Variants in GRIK2 observed in about 807,000 individuals in gnomAD.
GRIK2 encodes the protein glutamate receptor ionotropic, kainate 2.
GRIK2 carries 32 observed loss-of-function variants against 100.3 expected under a neutral mutation model. The observed-to-expected ratio is 0.32, with a 90% CI of 0.24 to 0.43. The LOEUF (loss-of-function observed/expected upper bound fraction) is 0.43. GRIK2 is among the 20% of genes least tolerant of loss of function. The probability of loss-of-function intolerance (pLI) is 1.00; values close to 1 mark genes in which losing one functional copy is unlikely to be tolerated. For synonymous variants in GRIK2, 417 were observed against 389.4 expected (o/e 1.07, Z -0.83); for missense variants, 843 against 1,114.9 (o/e 0.76, Z 3.47).
chr6:101,671,219 A>G (rs1770406743), intron 4 of GRIK2, among the ~76,000 whole-genome samples: 1 of 152,178 alleles, frequency 6.6e-6, no homozygotes, highest in African/African-American at 2.4e-5. Flanking sequence ...TTACATCCTT[A>G]ATAATTATTG....
At chr6:101,443,248 A>T (rs1322617551) in intron 2 of GRIK2, among the ~76,000 whole-genome samples, 1 of 152,178 alleles carries the variant, frequency 6.6e-6, no homozygotes, top group Non-Finnish European at 1.5e-5. Context: ...AGTAAAGTAC[A>T]ATATTACTTT....
intron 12 of GRIK2, among the ~76,000 whole-genome samples, chr6:101,911,269 T>C (rs1025737595): frequency 5.3e-5 from 8 of 151,512 alleles, no homozygotes; most frequent in African/African-American, 1.9e-4. Flanking sequence ...CCCAGCAATA[T>C]GAGGTGCCTG....
chr6:101,953,205 TA>T (rs1791713200), intron 14 of GRIK2, among the ~76,000 whole-genome samples: 1 of 152,222 alleles, frequency 6.6e-6, no homozygotes, highest in Non-Finnish European at 1.5e-5. Context: ...ACTTTTTGGA[TA>T]TTATAAATAA....
chr6:101,467,568 C>G (rs1186478206), intron 2 of GRIK2, among the ~76,000 whole-genome samples: 1 of 152,098 alleles, frequency 6.6e-6, no homozygotes, highest in Non-Finnish European at 1.5e-5. Flanking sequence ...ATAGCAAACC[C>G]AGAGCTCGAC....
chr6:101,446,740 T>C (rs940395575), intron 2 of GRIK2, among the ~76,000 whole-genome samples: 1 of 151,540 alleles, frequency 6.6e-6, no homozygotes, highest in Non-Finnish European at 1.5e-5. Context: ...AATCCTGTAC[T>C]TTGAAGGATA....
chr6:101,599,495 T>C (rs1052096001), intron 2 of GRIK2, among the ~76,000 whole-genome samples: 1 of 151,626 alleles, frequency 6.6e-6, no homozygotes, highest in Non-Finnish European at 1.5e-5. Flanking sequence ...ATCTTTGAAC[T>C]GTTTTCCACA....
chr6:102,051,005 T>C (rs899840000), intron 15 of GRIK2, among the ~76,000 whole-genome samples: 5 of 152,154 alleles, frequency 3.3e-5, no homozygotes, highest in Non-Finnish European at 2.9e-5. Context: ...TACATAAAAA[T>C]ATTTGATTAA....
intron 14 of GRIK2, among the ~76,000 whole-genome samples, chr6:102,015,540 A>AG (rs1795790409): frequency 6.6e-6 from 1 of 152,230 alleles, no homozygotes; most frequent in South Asian, 2.1e-4. Flanking sequence ...AGTTGCTATC[A>AG]GGTCCTTTGC....
intron 11 of GRIK2, among the ~76,000 whole-genome samples, chr6:101,882,404 T>C (rs1051289956): frequency 4.6e-5 from 7 of 152,162 alleles, no homozygotes; most frequent in African/African-American, 1.7e-4. Flanking sequence ...AGAAACATTT[T>C]AGACCCATAG....
intron 11 of GRIK2, among the ~76,000 whole-genome samples, chr6:101,876,203 G>A (rs1326865561): frequency 1.3e-5 from 2 of 151,784 alleles, no homozygotes; most frequent in African/African-American, 2.4e-5. Flanking sequence ...TGTCATTTTT[G>A]TAGGCTAAAA....
At chr6:101,496,778 T>C (rs1266390180) in intron 2 of GRIK2, among the ~76,000 whole-genome samples, 1 of 152,212 alleles carries the variant, frequency 6.6e-6, no homozygotes, top group Non-Finnish European at 1.5e-5. Flanking sequence ...GTAGTTATCC[T>C]GAGCTTGAAA....
intron 4 of GRIK2, among the ~76,000 whole-genome samples, chr6:101,637,416 A>C (rs1423575721): frequency 1.3e-5 from 2 of 152,162 alleles, no homozygotes; most frequent in Admixed American, 6.6e-5. Flanking sequence ...TGGGTTGCCC[A>C]CATCAGATCC....
intron 9 of GRIK2, among the ~76,000 whole-genome samples, chr6:101,805,697 C>T (rs1780959856): frequency 6.6e-6 from 1 of 151,910 alleles, no homozygotes; most frequent in Middle Eastern, 3.2e-3. Flanking sequence ...ACTCATTAGA[C>T]TTATAAAATT....
chr6:101,976,405 T>C (rs948294313), intron 14 of GRIK2, among the ~76,000 whole-genome samples: 1 of 151,882 alleles, frequency 6.6e-6, no homozygotes, highest in Non-Finnish European at 1.5e-5. Context: ...CAGTTTAAAG[T>C]GTTCTGTGCA....
intron 10 of GRIK2, among the ~76,000 whole-genome samples, chr6:101,858,610 T>A (rs1025576577): frequency 6.6e-6 from 1 of 151,790 alleles, no homozygotes. Context: ...AGGATGGTCT[T>A]GATCTCCTGA....
chr6:102,036,228 T>TAAATAAAC (rs879267399), intron 15 of GRIK2, among the ~76,000 whole-genome samples: 1 of 66,716 alleles, frequency 1.5e-5, no homozygotes, highest in African/African-American at 6.6e-5. Context: ...GTGCCGTAAG[T>TAAATAAAC]AAACACACAC....
At chr6:101,924,345 T>C (rs1201681618) in intron 12 of GRIK2, among the ~76,000 whole-genome samples, 2 of 152,234 alleles carry the variant, frequency 1.3e-5, no homozygotes, top group Non-Finnish European at 2.9e-5. Flanking sequence ...ATTGGTTTAC[T>C]GATATACAGA....
At chr6:101,943,467 T>G (rs1791080098) in intron 14 of GRIK2, among the ~76,000 whole-genome samples, 1 of 152,132 alleles carries the variant, frequency 6.6e-6, no homozygotes, top group Non-Finnish European at 1.5e-5. Flanking sequence ...GTTTGTATCT[T>G]GCACCTGGAA....
intron 7 of GRIK2, among the ~76,000 whole-genome samples, chr6:101,791,377 G>A (rs1300895417): frequency 6.6e-6 from 1 of 152,074 alleles, no homozygotes; most frequent in Non-Finnish European, 1.5e-5. Context: ...ACACTGCTTT[G>A]AATGTGTCCC....
Sources: gnomAD v4.1 joint callset for allele counts (sites outside exome capture counted in the v4.1 genomes callset) on GRCh38, gnomAD v4.1.1 for gene constraint, MANE v1.5 for transcripts, NCBI Gene and HGNC (gene_info 2026-07-23, HGNC 2026-07-21) for gene names.